Variants in SLC24A2 observed in about 807,000 individuals in gnomAD.
SLC24A2 encodes solute carrier family 24 member 2.
Under a neutral mutation model 62.0 loss-of-function variants are expected in SLC24A2, and 36 were observed. The ratio of observed to expected loss-of-function variants is 0.58; its 90% CI spans 0.44 to 0.77. The LOEUF is 0.77. Among genes scored for constraint, SLC24A2 ranks in the 30% least tolerant of loss-of-function variants. SLC24A2 has a pLI of 0.00. For missense variants in SLC24A2, 846 were observed against 817.9 expected (o/e 1.03, Z -0.42); for synonymous variants, 358 against 294.0 (o/e 1.22, Z -2.23).
the SLC24A2 span, among the ~76,000 whole-genome samples, chr9:20,040,841 C>A: frequency 6.6e-6 from 1 of 152,208 alleles, no homozygotes; most frequent in African/African-American, 2.4e-5. Context: ...TAGTTTTAAT[C>A]CTCACAACAA....
At chr9:19,797,644 T>C in the SLC24A2 span, among the ~76,000 whole-genome samples, 2 of 152,164 alleles carry the variant, frequency 1.3e-5, no homozygotes, top group African/African-American at 4.8e-5. Flanking sequence ...TCTGAAGTAT[T>C]TGTGTTTGGC....
At chr9:19,707,861 C>T (rs1395904210) in intron 2 of SLC24A2, among the ~76,000 whole-genome samples, 1 of 152,114 alleles carries the variant, frequency 6.6e-6, no homozygotes, top group Admixed American at 6.5e-5. Context: ...GGGATGCCCT[C>T]TCTCACCACT....
intron 3 of SLC24A2, among the ~76,000 whole-genome samples, chr9:19,620,956 G>A (rs935130310): frequency 1.3e-5 from 2 of 152,108 alleles, no homozygotes; most frequent in Admixed American, 6.5e-5. Context: ...TGTCCCATAA[G>A]AGACCCCATG....
chr9:19,531,225 G>T (rs796196770), intron 8 of SLC24A2, among the ~76,000 whole-genome samples: 3 of 152,218 alleles, frequency 2.0e-5, no homozygotes, highest in African/African-American at 7.2e-5. Flanking sequence ...CACACCCCAG[G>T]TAATCACTTC....
chr9:20,073,395 G>A, the SLC24A2 span, among the ~76,000 whole-genome samples: 3 of 152,210 alleles, frequency 2.0e-5, no homozygotes, highest in South Asian at 6.2e-4. Context: ...AAGTCAACTG[G>A]TTTGGGACCA....
the SLC24A2 span, among the ~76,000 whole-genome samples, chr9:20,043,662 G>C: frequency 6.6e-6 from 1 of 152,326 alleles, no homozygotes; most frequent in Admixed American, 6.5e-5. Flanking sequence ...ACTTGAATTA[G>C]AAGTGAAACC....
At chr9:20,000,847 G>A in the SLC24A2 span, among the ~76,000 whole-genome samples, 1 of 152,184 alleles carries the variant, frequency 6.6e-6, no homozygotes, top group Non-Finnish European at 1.5e-5. Flanking sequence ...GGGAAAAACA[G>A]GATCACTGTT....
At chr9:20,182,888 T>A in the SLC24A2 span, among the ~76,000 whole-genome samples, 1 of 152,178 alleles carries the variant, frequency 6.6e-6, no homozygotes, top group Non-Finnish European at 1.5e-5. Context: ...ACAATAGGTA[T>A]ACATTGGGCC....
chr9:20,298,717 A>G, the SLC24A2 span, among the ~76,000 whole-genome samples: 1 of 152,264 alleles, frequency 6.6e-6, no homozygotes, highest in East Asian at 1.9e-4. Context: ...GTACTAAGTC[A>G]TTTAATCTTT....
At chr9:20,136,128 G>C in the SLC24A2 span, among the ~76,000 whole-genome samples, 2 of 152,182 alleles carry the variant, frequency 1.3e-5, no homozygotes, top group Non-Finnish European at 2.9e-5. Context: ...GCCTGGAAGA[G>C]AGGCAACTCA....
chr9:19,601,184 C>A (rs1170509820), intron 4 of SLC24A2, among the ~76,000 whole-genome samples: 1 of 151,508 alleles, frequency 6.6e-6, no homozygotes, highest in African/African-American at 2.4e-5. Flanking sequence ...TGTAAAATTG[C>A]ACCAATCAGT....
At chr9:19,742,639 A>G (rs1447871565) in intron 2 of SLC24A2, among the ~76,000 whole-genome samples, 1 of 152,106 alleles carries the variant, frequency 6.6e-6, no homozygotes, top group Admixed American at 6.5e-5. Context: ...GAGGGATTAG[A>G]CCCTGGTCTT....
chr9:20,213,401 T>A, the SLC24A2 span, among the ~76,000 whole-genome samples: 6 of 151,880 alleles, frequency 4.0e-5, no homozygotes, highest in Non-Finnish European at 8.8e-5. Context: ...TAATAAACAT[T>A]AAGTTTAAGA....
At chr9:19,845,827 C>T in the SLC24A2 span, among the ~76,000 whole-genome samples, 6 of 152,050 alleles carry the variant, frequency 3.9e-5, 1 homozygote, top group African/African-American at 1.2e-4. Context: ...TTTATTTCTG[C>T]CTTAATTTTG....
the SLC24A2 span, among the ~76,000 whole-genome samples, chr9:20,245,388 G>A: frequency 2.0e-5 from 3 of 152,208 alleles, no homozygotes; most frequent in Non-Finnish European, 4.4e-5. Flanking sequence ...ATCCCAGAGA[G>A]AGGCAAGAAA....
chr9:19,639,240 T>C (rs1459103414), intron 2 of SLC24A2, among the ~76,000 whole-genome samples: 1 of 152,188 alleles, frequency 6.6e-6, no homozygotes, highest in Non-Finnish European at 1.5e-5. Context: ...TATTAGCTAA[T>C]TGTGGTAGTT....
chr9:19,835,510 C>A, the SLC24A2 span, among the ~76,000 whole-genome samples: 5 of 152,160 alleles, frequency 3.3e-5, no homozygotes, highest in Non-Finnish European at 7.3e-5. Flanking sequence ...GGGATCAATT[C>A]AACAAGAAGA....
chr9:20,029,139 T>A, the SLC24A2 span, among the ~76,000 whole-genome samples: 1 of 152,182 alleles, frequency 6.6e-6, no homozygotes, highest in Non-Finnish European at 1.5e-5. Context: ...CACAGCTACA[T>A]CTTCGTCACC....
the SLC24A2 span, among the ~76,000 whole-genome samples, chr9:20,014,367 C>T: frequency 6.6e-6 from 1 of 151,924 alleles, no homozygotes; most frequent in African/African-American, 2.4e-5. Context: ...CCAGTAACCC[C>T]ACTTCTGGGT....
Sources: allele counts gnomAD v4.1 joint callset (sites outside exome capture counted in the v4.1 genomes callset), GRCh38; gene constraint gnomAD v4.1.1; transcripts MANE v1.5; gene names NCBI Gene and HGNC (gene_info 2026-07-23, HGNC 2026-07-21).